UTP6: variants seen among roughly 807,000 people sequenced by gnomAD.
The protein encoded by UTP6 is UTP6 small subunit processome component.
UTP6 carries 60 observed loss-of-function variants against 96.5 expected under a neutral mutation model. The ratio of observed to expected loss-of-function variants is 0.62; its 90% CI spans 0.51 to 0.77. The LOEUF (loss-of-function observed/expected upper bound fraction) is 0.77. Among genes scored for constraint, UTP6 ranks in the 30% least tolerant of loss-of-function variants. The pLI is 0.00. For synonymous variants in UTP6, 215 were observed against 240.1 expected (o/e 0.90, Z 0.96); for missense variants, 637 against 706.5 (o/e 0.90, Z 1.12).
Position 31,875,274 on chromosome 17 carries a change from G to T in UTP6, c.1265C>A (p.Ala422Asp). 1.2e-6 allele frequency: 2 copies of T among 1,614,110 alleles called. No homozygotes were observed. The highest frequency in any genetic ancestry group is 1.7e-6 in the Non-Finnish European group (2 of 1,180,012). ...VLIESKSPDI[A>D]MLFEEAFVHL... The stretch of plus-strand genomic sequence containing the variant: ...CACAAAGGCTTCTTCAAAAAGCATG[G>T]CTATGTCAGGGCTCTTTGACTCGAT... The change falls in exon 14 of 19, where the codon GCC (alanine) becomes GAC (aspartate). Residue 422 changes from alanine to aspartate, a missense_variant. By Grantham distance (126) the Ala-to-Asp change is moderately radical. Transcript: ENST00000261708.
At chr17:31,894,397 A>G (rs1166181158) in intron 4 of UTP6, among the ~76,000 whole-genome samples, 1 of 152,022 alleles carries the variant, frequency 6.6e-6, no homozygotes, top group South Asian at 2.1e-4. Flanking sequence ...CAAATTTCCA[A>G]TCCTTAGTAA....
At position 31,878,242 on chromosome 17, in the gene UTP6, G is replaced by A; in HGVS notation, c.1125+8C>T. The A allele has an allele frequency of 6.2e-7, 1 of 1,613,610 alleles. No individual in the cohort carries two copies. On this transcript the variant is annotated splice_region_variant and intron_variant, in intron 13 of 18. Coordinates refer to ENST00000261708, the MANE Select transcript of UTP6 (RefSeq NM_018428.3). Reference sequence around the variant, plus strand: ...AACTGGCACAGAATATTTTCTCTATGTTCTTACCAACTGCTTGTATTGGCA... The same window carrying A: ...AACTGGCACAGAATATTTTCTCTATATTCTTACCAACTGCTTGTATTGGCA...
At chr17:31,883,911 C>T (rs956970200) in intron 10 of UTP6, among the ~76,000 whole-genome samples, 1 of 152,058 alleles carries the variant, frequency 6.6e-6, no homozygotes, top group African/African-American at 2.4e-5. Flanking sequence ...TCAAGGGATC[C>T]ACCTGCCTTG....
rs1231946151 is a variant in UTP6 at position 31,880,505 on chromosome 17, A to C, written c.967+68T>G. The C allele has an allele frequency of 4.4e-6, 7 of 1,597,626 alleles. No individual in the cohort carries two copies. The Admixed American group carries it at 1.0e-4, about 23-fold the overall frequency. On this transcript the variant is annotated intron_variant, in intron 11 of 18. Transcript: ENST00000261708. Reference sequence around the variant, plus strand: ...CAATATTGATTTTGGCAATGGGAACAGGAGCTTAAGTTTCACAATCAGGGA... The same window carrying C: ...CAATATTGATTTTGGCAATGGGAACCGGAGCTTAAGTTTCACAATCAGGGA...
intron 5 of UTP6, among the ~76,000 whole-genome samples, 173 bp from the exon 6 acceptor site, chr17:31,892,496 C>T (rs1306739708): frequency 6.6e-6 from 1 of 152,162 alleles, no homozygotes; most frequent in African/African-American, 2.4e-5. Flanking sequence ...TCAATTAAAC[C>T]ACTAAACACT....
chr17:31,873,597 G>T (rs1598099135), intron 15 of UTP6, 76 bp downstream of exon 15: 6 of 1,605,650 alleles, frequency 3.7e-6, no homozygotes, highest in Admixed American at 1.7e-5. Flanking sequence ...AGGCGCACCT[G>T]CAACACTAGA....
chr17:31,889,290 TA>T lies in UTP6; in HGVS notation c.537del (p.Tyr179Ter). 6.2e-7 allele frequency: 1 copy of T among 1,611,498 alleles called. No homozygotes were observed. Among genetic ancestry groups the T allele is most frequent in the Non-Finnish European group, 8.5e-7 (1 of 1,178,186 alleles). ...CTATGTGCATACACACTCACTTCTT[TA>T]TAAAGTTTTGGGCACTCTGGATGAA... is the stretch of plus-strand genomic sequence containing the variant. ...LRFHPECPKL[Y>X]KEYFRMELMH... is the part of the protein sequence containing the mutation. On this transcript the variant is annotated frameshift_variant, in exon 7 of 19. Coordinates refer to ENST00000261708, the MANE Select transcript of UTP6 (RefSeq NM_018428.3). LOFTEE classifies it high-confidence loss of function.
At chr17:31,865,976 C>T (rs910775708) in intron 17 of UTP6, among the ~76,000 whole-genome samples, 1 of 152,110 alleles carries the variant, frequency 6.6e-6, no homozygotes, top group Admixed American at 6.6e-5. Context: ...GAATTATGTA[C>T]CTAGCAGAAT....
chr17:31,888,421 T>C (rs948737811), intron 7 of UTP6, among the ~76,000 whole-genome samples: 1 of 152,068 alleles, frequency 6.6e-6, no homozygotes, highest in African/African-American at 2.4e-5. Context: ...AAAGATGTTT[T>C]TCCCTGGCCG....
chr17:31,873,902 CA>C, intron 14 of UTP6, 149 bp from the exon 15 acceptor site: 2 of 780,334 alleles, frequency 2.6e-6, no homozygotes, highest in Non-Finnish European at 3.9e-6. Flanking sequence ...GTTAAAAAGG[CA>C]GGTTCCTCCT....
chr17:31,901,706 G>A lies in UTP6; in HGVS notation c.-79C>T, dbSNP rs1239803546. 5.0e-6 allele frequency: 7 copies of A among 1,405,076 alleles called. No homozygotes were observed. Among genetic ancestry groups the A allele is most frequent in the East Asian group, 2.3e-5 (1 of 43,792 alleles). 87.0% of individuals were successfully genotyped at this position (1,405,076 alleles called of 1,614,324 possible). ...GGAAGCTCCCGGTTTCAGGTTCGGA[G>A]ACCCAGCCCTACCACCGACGCGTCC... On this transcript the variant is annotated 5_prime_UTR_variant, in exon 1 of 19. Coordinates refer to ENST00000261708, the MANE Select transcript of UTP6 (RefSeq NM_018428.3).
At chr17:31,892,022 CAA>C in intron 6 of UTP6, 19 of 440,394 alleles carry the variant, frequency 4.3e-5, no homozygotes, top group South Asian at 5.7e-5. Flanking sequence ...GACTCCGTCT[CAA>C]AAAAAAAAGA....
intron 10 of UTP6, among the ~76,000 whole-genome samples, chr17:31,882,258 T>C (rs1910889234): frequency 6.6e-6 from 1 of 151,880 alleles, no homozygotes; most frequent in African/African-American, 2.4e-5. Context: ...CTCAAACTCC[T>C]GACCTCAGGT....
intron 9 of UTP6, 126 bp from the exon 10 acceptor site, chr17:31,884,631 T>G: frequency 1.3e-6 from 1 of 748,570 alleles, no homozygotes; most frequent in East Asian, 2.8e-5. Flanking sequence ...TAGAATAAAA[T>G]AGAAGAAAAG....
Position 31,887,240 on chromosome 17 carries a change from T to A in UTP6, c.617A>T (p.Asp206Val). ...EKEEFEKASM[D>V]VENPDYSEEI... ...ATAAAATAATTAGAACCTTACCACATCCATACTGGCTTTTTCAAATTCTTC... is the reference window on the plus strand; with the variant it reads ...ATAAAATAATTAGAACCTTACCACAACCATACTGGCTTTTTCAAATTCTTC... Residue 206 changes from aspartate to valine, a missense_variant, in exon 8 of 19, where the codon GAT becomes GTT. Transcript: ENST00000261708. 1 of 1,613,886 alleles carries A rather than the reference T, an allele frequency of 6.2e-7. No homozygotes were observed. Among genetic ancestry groups the A allele is most frequent in the Middle Eastern group, 1.6e-4 (1 of 6,062 alleles).
At chr17:31,882,338 T>C (rs547689380) in intron 10 of UTP6, among the ~76,000 whole-genome samples, 2 of 145,204 alleles carry the variant, frequency 1.4e-5, no homozygotes, top group Admixed American at 1.4e-4. Flanking sequence ...TTTTTTTTTT[T>C]TGGAGACAGA....
intron 2 of UTP6, among the ~76,000 whole-genome samples, chr17:31,897,443 C>CTTTTTTT (rs397857995): frequency 1.2e-4 from 12 of 103,216 alleles, no homozygotes; most frequent in Non-Finnish European, 1.8e-4. Context: ...AACTTCTAGT[C>CTTTTTTT]TTTTTTTTTT....
chr17:31,884,643 C>A (rs1292603315), intron 9 of UTP6, 138 bp from the exon 10 acceptor site: 3 of 657,890 alleles, frequency 4.6e-6, no homozygotes, highest in African/African-American at 3.7e-5. Context: ...GAAGAAAAGT[C>A]ATCCCATAGT....
rs142453211 is a variant in UTP6 at position 31,863,521 on chromosome 17, TAA to T, written c.1637-7_1637-6del. The T allele has an allele frequency of 9.3e-6, 14 of 1,499,504 alleles. No homozygotes were observed. The highest frequency in any genetic ancestry group is 1.1e-5 in the Non-Finnish European group (12 of 1,107,126). The allele number at this position is 1,499,504 out of a possible 1,614,324, so 92.9% of individuals were successfully genotyped here. ...TCATATAATCCATCCAAAGATCTTTTAAAAAAAAAACATACAATTAGATAACT... is the reference window on the plus strand; with the variant it reads ...TCATATAATCCATCCAAAGATCTTTTAAAAAAAACATACAATTAGATAACT... On this transcript the variant is annotated splice_region_variant and splice_polypyrimidine_tract_variant and intron_variant, in intron 18 of 18. Coordinates refer to ENST00000261708, the MANE Select transcript of UTP6 (RefSeq NM_018428.3).
Sources: gnomAD v4.1 joint callset for allele counts (sites outside exome capture counted in the v4.1 genomes callset) on GRCh38, gnomAD v4.1.1 for gene constraint, MANE v1.5 for transcripts, NCBI Gene and HGNC (gene_info 2026-07-23, HGNC 2026-07-21) for gene names.